Variants in N4BP2 observed in about 807,000 individuals in gnomAD.
N4BP2 encodes NEDD4-binding protein 2.
In N4BP2, 91 loss-of-function variants were observed where a neutral mutation model predicts 152.8. The ratio of observed to expected loss-of-function variants is 0.60; its 90% CI spans 0.50 to 0.71. The LOEUF (loss-of-function observed/expected upper bound fraction) is 0.71, where lower values mean the gene tolerates loss of function less well. N4BP2 is among the 30% of genes least tolerant of loss of function. The pLI, the probability that N4BP2 is intolerant of heterozygous loss-of-function variation, is 0.00. For synonymous variants in N4BP2, 646 were observed against 705.3 expected, an observed-to-expected ratio of 0.92 and a Z score of 1.33; for missense variants, 1,923 against 2,059.1, an observed-to-expected ratio of 0.93 and a Z score of 1.28.
chr4:40,074,740 C>T (rs1020473319), intron 2 of N4BP2, among the ~76,000 whole-genome samples: 2 of 152,086 alleles, frequency 1.3e-5, no homozygotes, highest in African/African-American at 4.8e-5. Flanking sequence ...GGCATGGTGC[C>T]TCACGCCTGT....
At chr4:40,165,427 A>T in the N4BP2 span, among the ~76,000 whole-genome samples, 1 of 152,028 alleles carries the variant, frequency 6.6e-6, no homozygotes, top group African/African-American at 2.4e-5. Flanking sequence ...TTTTGTATTT[A>T]TAGTAGAGAT....
chr4:40,127,386 T>C (rs921030072), intron 12 of N4BP2, among the ~76,000 whole-genome samples: 1 of 151,554 alleles, frequency 6.6e-6, no homozygotes, highest in African/African-American at 2.4e-5. Flanking sequence ...CCTGGCTACT[T>C]TTATTTTTTG....
intron 14 of N4BP2, among the ~76,000 whole-genome samples, chr4:40,138,710 C>T (rs2110025722): frequency 6.6e-6 from 1 of 152,246 alleles, no homozygotes; most frequent in African/African-American, 2.4e-5. Flanking sequence ...ATGAATTGAC[C>T]ATAGTTACAA....
intron 7 of N4BP2, among the ~76,000 whole-genome samples, chr4:40,115,056 T>G (rs1053433018): frequency 1.1e-4 from 16 of 152,210 alleles, no homozygotes; most frequent in Admixed American, 1.3e-4. Context: ...CCATCGTAAG[T>G]TTTCTAATGT....
intron 14 of N4BP2, 135 bp downstream of exon 14, chr4:40,137,217 T>C (rs1253896262): frequency 2.8e-6 from 2 of 711,824 alleles, no homozygotes; most frequent in Non-Finnish European, 4.5e-6. Flanking sequence ...ACCAATGGCA[T>C]ATTTGGCTTA....
chr4:40,135,151 A>T (rs1719269772), intron 13 of N4BP2, among the ~76,000 whole-genome samples: 1 of 131,216 alleles, frequency 7.6e-6, no homozygotes, highest in Non-Finnish European at 1.5e-5. Flanking sequence ...TCCTGTGTCC[A>T]TGTGTTCTTA....
intron 16 of N4BP2, among the ~76,000 whole-genome samples, chr4:40,152,193 G>C (rs139003019): frequency 6.6e-6 from 1 of 152,292 alleles, no homozygotes; most frequent in African/African-American, 2.4e-5. Flanking sequence ...TAGTGGATTT[G>C]CTAATAGCTA....
At chr4:40,108,116 C>T (rs528884592) in intron 5 of N4BP2, among the ~76,000 whole-genome samples, 10 of 151,478 alleles carry the variant, frequency 6.6e-5, no homozygotes, top group East Asian at 3.9e-4. Flanking sequence ...TTAGTAGCGA[C>T]GGGGTTTTGC....
chr4:40,108,460 C>T (rs1398117473), intron 5 of N4BP2, among the ~76,000 whole-genome samples: 1 of 150,590 alleles, frequency 6.6e-6, no homozygotes, highest in Non-Finnish European at 1.5e-5. Context: ...GGATTACAGG[C>T]ACGTGCCACC....
chr4:40,188,203 A>G, the N4BP2 span, among the ~76,000 whole-genome samples: 2 of 152,196 alleles, frequency 1.3e-5, no homozygotes, highest in African/African-American at 4.8e-5. Context: ...CAAACAAGTA[A>G]TATTTAAATG....
Position 40,136,378 on chromosome 4 carries a change from CT to C in N4BP2, c.4647-565del, listed in dbSNP as rs111921109. 8.7e-4 allele frequency among the ~76,000 whole-genome samples: 73 copies of C among 84,328 alleles called. 1 individual carries two copies. The highest frequency in any genetic ancestry group is 4.8e-3 in the South Asian group (8 of 1,670). 55.3% of individuals were successfully genotyped at this position (84,328 alleles called of 152,430 possible). A position where few individuals can be genotyped will look rare whatever the true frequency, so the allele number is the denominator to read the frequency against. Reference sequence around the variant, plus strand: ...TCTATCTATCTATCTATCTATCTATCTATCTATCTATCTATCTTTTTTTTGA... The same window carrying C: ...TCTATCTATCTATCTATCTATCTATCATCTATCTATCTATCTTTTTTTTGA... On this transcript the variant is annotated intron_variant, in intron 13 of 17. Coordinates refer to ENST00000261435, the MANE Select transcript of N4BP2 (RefSeq NM_018177.6).
At chr4:40,098,648 C>T (rs1715320062) in intron 3 of N4BP2, among the ~76,000 whole-genome samples, 1 of 152,090 alleles carries the variant, frequency 6.6e-6, no homozygotes, top group Non-Finnish European at 1.5e-5. Flanking sequence ...TGTAGAAAAC[C>T]AGTTGTCAGC....
At chr4:40,137,239 C>T (rs1719490903) in intron 14 of N4BP2, among the ~76,000 whole-genome samples, 157 bp downstream of exon 14, 1 of 152,152 alleles carries the variant, frequency 6.6e-6, no homozygotes, top group Non-Finnish European at 1.5e-5. Context: ...AATATCTGTG[C>T]ACTCAAAATA....
At chr4:40,187,457 A>G in the N4BP2 span, among the ~76,000 whole-genome samples, 120 of 152,214 alleles carry the variant, frequency 7.9e-4, no homozygotes, top group South Asian at 4.8e-3. Flanking sequence ...ATGTCACTAT[A>G]TGACACAGTT....
chr4:40,121,273 C>CAATATT lies in N4BP2; in HGVS notation c.3165_3170dup (p.Ile1056_Asn1057dup). 1.2e-6 allele frequency: 2 copies of CAATATT among 1,613,096 alleles called. No individual in the cohort carries two copies. Among genetic ancestry groups the CAATATT allele is most frequent in the Non-Finnish European group, 1.7e-6 (2 of 1,179,786 alleles). On this transcript the variant is annotated inframe_insertion, in exon 9 of 18. Transcript: ENST00000261435. Reference sequence around the variant, plus strand: ...TAGATGGATTTAAGCCGAAAGTTTTCAATATTAACACAAAATCAGACGTTC... The same window carrying CAATATT: ...TAGATGGATTTAAGCCGAAAGTTTTCAATATTAATATTAACACAAAATCAGACGTTC...
At chr4:40,072,647 A>AG (rs1237214805) in intron 1 of N4BP2, among the ~76,000 whole-genome samples, 1 of 151,126 alleles carries the variant, frequency 6.6e-6, no homozygotes, top group Non-Finnish European at 1.5e-5. Flanking sequence ...GTACCCCCCC[A>AG]GGCCTCCCAA....
At chr4:40,086,553 G>A (rs1477360386) in intron 2 of N4BP2, among the ~76,000 whole-genome samples, 1 of 151,676 alleles carries the variant, frequency 6.6e-6, no homozygotes, top group African/African-American at 2.4e-5. Flanking sequence ...GGTCAGGCTG[G>A]TTTCGAATGC....
chr4:40,078,906 A>T (rs1022783265), intron 2 of N4BP2, among the ~76,000 whole-genome samples: 6 of 151,960 alleles, frequency 3.9e-5, no homozygotes, highest in Non-Finnish European at 8.8e-5. Flanking sequence ...TCTGTAATAA[A>T]ATTGTGTATC....
At chr4:40,080,865 A>G (rs1024685554) in intron 2 of N4BP2, among the ~76,000 whole-genome samples, 1 of 139,396 alleles carries the variant, frequency 7.2e-6, no homozygotes, top group African/African-American at 2.7e-5. Flanking sequence ...ATGGGGTTTC[A>G]CTGTTTTAGC....
Sources: gnomAD v4.1 joint callset for allele counts (sites outside exome capture counted in the v4.1 genomes callset) on GRCh38, gnomAD v4.1.1 for gene constraint, MANE v1.5 for transcripts, NCBI Gene and HGNC (gene_info 2026-07-23, HGNC 2026-07-21) for gene names.